Variants in TPO observed in about 807,000 individuals in gnomAD.
The protein encoded by TPO is thyroid microsomal antigen.
TPO carries 78 observed loss-of-function variants against 96.9 expected under a neutral mutation model. The observed-to-expected ratio is 0.81, with a 90% confidence interval of 0.67 to 0.97. The LOEUF (loss-of-function observed/expected upper bound fraction) is 0.97. Among genes scored for constraint, TPO ranks in the 50% least tolerant of loss-of-function variants. The pLI is 0.00. For synonymous variants in TPO, 547 were observed against 538.0 expected (o/e 1.02, Z -0.23); for missense variants, 1,252 against 1,274.8 (o/e 0.98, Z 0.27).
intron 14 of TPO, among the ~76,000 whole-genome samples, chr2:1,506,734 T>A (rs1345602056): frequency 1.3e-5 from 2 of 152,230 alleles, no homozygotes; most frequent in Admixed American, 6.5e-5. Context: ...TGGGGTTGTT[T>A]GTTTTTTTCT....
intron 15 of TPO, among the ~76,000 whole-genome samples, chr2:1,537,188 A>C (rs1411150094): frequency 9.9e-5 from 6 of 60,550 alleles, no homozygotes; most frequent in Non-Finnish European, 1.5e-4. Flanking sequence ...ACTGTGTAGC[A>C]ACCTCCCCAA....
chr2:1,393,101 T>C (rs926886438), intron 1 of TPO, among the ~76,000 whole-genome samples: 1 of 152,222 alleles, frequency 6.6e-6, no homozygotes, highest in African/African-American at 2.4e-5. Context: ...CTTGTGGTTC[T>C]GTAAGCTGTA....
At position 1,512,441 on chromosome 2, in the gene TPO, C is replaced by G. The variant is rs191860391; in HGVS notation, c.2519-4442C>G. The G allele has an allele frequency of 1.1e-5, 11 of 985,452 alleles. No individual in the cohort carries two copies. The East Asian group carries it at 1.0e-3, about 92-fold the overall frequency. 61.0% of individuals were successfully genotyped at this position (985,452 alleles called of 1,614,324 possible). A position where few individuals can be genotyped will look rare whatever the true frequency, so the allele number is the denominator to read the frequency against. On this transcript the variant is annotated intron_variant, in intron 14 of 16. Transcript: ENST00000329066. The stretch of plus-strand genomic sequence containing the variant: ...AGAGAGCCCCTGAGCCCGGCCCGGA[C>G]CAGCGCCCGTGCTCAGGGCAGCTGT...
chr2:1,489,493 A>T (rs2124877409), intron 10 of TPO, among the ~76,000 whole-genome samples: 1 of 152,206 alleles, frequency 6.6e-6, no homozygotes, highest in African/African-American at 2.4e-5. Flanking sequence ...ACTTTTCACC[A>T]ACTGAAATAT....
At chr2:1,480,825 C>CAAACCACGTTT (rs1670554259) in intron 8 of TPO, among the ~76,000 whole-genome samples, 1 of 149,572 alleles carries the variant, frequency 6.7e-6, no homozygotes, top group Admixed American at 6.6e-5. Flanking sequence ...ACACCACGTC[C>CAAACCACGTTT]CTGCTGCTGC....
Position 1,490,429 on chromosome 2 carries a change from CAG to C in TPO, c.1768+2439_1768+2440del, listed in dbSNP as rs201486457. Among the ~76,000 whole-genome samples, 4 of 125,782 alleles carry C rather than the reference CAG, an allele frequency of 3.2e-5. No homozygotes were observed. The South Asian group carries it at 1.1e-3, about 33-fold the overall frequency. 82.5% of individuals were successfully genotyped at this position (125,782 alleles called of 152,430 possible). A position where few individuals can be genotyped will look rare whatever the true frequency, so the allele number is the denominator to read the frequency against. On this transcript the variant is annotated intron_variant, in intron 10 of 16. Transcript: ENST00000329066. Reference sequence around the variant, plus strand: ...TAAGAGCCGCCACGAGGGTCCCACACAGGGGGAGTCACGACACAGCAGTGTAA... The same window carrying C: ...TAAGAGCCGCCACGAGGGTCCCACACGGGGAGTCACGACACAGCAGTGTAA...
rs1187194357 is a variant in TPO, at chr2:1,456,178, C to T, written c.715C>T (p.His239Tyr). ...GATGGCATGGGGACAATACATCGAC[C>T]ACGACATCGCGTTCACACCACAGAG... The part of the protein sequence containing the change: ...LLMAWGQYID[H>Y]DIAFTPQSTS... The change falls in exon 7 of 17, where the codon CAC becomes TAC. Residue 239 changes from histidine to tyrosine, a missense_variant. Physicochemically the swap from His to Tyr is moderately conservative, Grantham distance 83. Transcript: ENST00000329066. The T allele has an allele frequency of 1.2e-6, 2 of 1,614,090 alleles. No individual in the cohort carries two copies. Among genetic ancestry groups the T allele is most frequent in the Admixed American group, 1.7e-5 (1 of 60,024 alleles).
intron 5 of TPO, among the ~76,000 whole-genome samples, chr2:1,453,222 G>A (rs1375207287): frequency 6.6e-6 from 1 of 152,174 alleles, no homozygotes; most frequent in African/African-American, 2.4e-5. Flanking sequence ...GTTCCCACAA[G>A]TTCGCCTGGA....
At chr2:1,398,396 T>C (rs1662117717) in intron 1 of TPO, among the ~76,000 whole-genome samples, 1 of 152,062 alleles carries the variant, frequency 6.6e-6, no homozygotes, top group African/African-American at 2.4e-5. Flanking sequence ...TCAGGCCATC[T>C]CCCCAGACAC....
chr2:1,524,158 C>T (rs1675860212), intron 15 of TPO, among the ~76,000 whole-genome samples: 1 of 147,938 alleles, frequency 6.8e-6, no homozygotes, highest in Admixed American at 6.8e-5. Context: ...CCCAAAATCC[C>T]CCAAACTGTG....
intron 5 of TPO, among the ~76,000 whole-genome samples, chr2:1,445,285 C>T (rs1441752519): frequency 3.4e-5 from 4 of 116,162 alleles, no homozygotes; most frequent in African/African-American, 6.7e-5. Flanking sequence ...CAGGAGGCAC[C>T]ATGTTGGAAG....
chr2:1,422,309 C>CCTGGACAGACCTCGTGCAGGTGCCGCG (rs1663672675), intron 2 of TPO, among the ~76,000 whole-genome samples: 1 of 105,776 alleles, frequency 9.5e-6, no homozygotes, highest in Non-Finnish European at 2.0e-5. Flanking sequence ...AGGCGCCTCT[C>CCTGGACAGACCTCGTGCAGGTGCCGCG]CTGGACAGAC....
chr2:1,524,214 CA>C lies in TPO; in HGVS notation c.2618+7233del, dbSNP rs201701857. Among the ~76,000 whole-genome samples, 1,014 of 137,624 alleles carry C rather than the reference CA, an allele frequency of 7.4e-3. 25 individuals are homozygous for C. The highest frequency in any genetic ancestry group is 0.027 in the African/African-American group (958 of 35,382). 90.3% of individuals were successfully genotyped at this position (137,624 alleles called of 152,430 possible). A position where few individuals can be genotyped will look rare whatever the true frequency, so the allele number is the denominator to read the frequency against. ...ATCCTGTGTGCAACCTCCTCAAATC[CA>C]CCCCACTGTGTGCAACCTCCTCAAA... On this transcript the variant is annotated intron_variant, in intron 15 of 16. Coordinates refer to ENST00000329066, the MANE Select transcript of TPO (RefSeq NM_001206744.2).
intron 8 of TPO, chr2:1,477,989 T>G: frequency 1.0e-6 from 1 of 985,320 alleles, no homozygotes; most frequent in African/African-American, 1.7e-5. Context: ...CCAAGCTACG[T>G]GCTTTACAGA....
chr2:1,459,935 ATTCT>A (rs1394114926), intron 7 of TPO, among the ~76,000 whole-genome samples: 3 of 119,950 alleles, frequency 2.5e-5, no homozygotes, highest in Non-Finnish European at 5.1e-5. Flanking sequence ...CTAACCTGGG[ATTCT>A]TTCTTTCTTT....
chr2:1,535,120 TCCCCCCA>T (rs1679285274), intron 15 of TPO, among the ~76,000 whole-genome samples: 1 of 12,142 alleles, frequency 8.2e-5, no homozygotes, highest in African/African-American at 4.0e-4. Context: ...CCTCCTCACA[TCCCCCCA>T]CTCTGTGCAA....
chr2:1,427,024 C>T (rs1297201356), intron 3 of TPO, among the ~76,000 whole-genome samples: 1 of 152,196 alleles, frequency 6.6e-6, no homozygotes, highest in African/African-American at 2.4e-5. Flanking sequence ...ACCCTACCCC[C>T]TCATTCATCA....
chr2:1,382,477 C>T (rs1383746848), intron 1 of TPO, among the ~76,000 whole-genome samples: 1 of 152,192 alleles, frequency 6.6e-6, no homozygotes, highest in East Asian at 1.9e-4. Flanking sequence ...CATGAGACAT[C>T]ATGTCTTCAT....
chr2:1,484,948 G>A (rs969583953), intron 9 of TPO, 94 bp downstream of exon 9: 1 of 1,557,834 alleles, frequency 6.4e-7, no homozygotes, highest in African/African-American at 1.4e-5. Context: ...GGGTACATGT[G>A]CACAACGTGC....
Sources: allele counts gnomAD v4.1 joint callset (sites outside exome capture counted in the v4.1 genomes callset), GRCh38; gene constraint gnomAD v4.1.1; transcripts MANE v1.5; gene names NCBI Gene and HGNC (gene_info 2026-07-23, HGNC 2026-07-21).